Variants in PDZRN3 observed in about 807,000 individuals in gnomAD.
The protein encoded by PDZRN3 is E3 ubiquitin-protein ligase PDZRN3.
In PDZRN3, 38 loss-of-function variants were observed where a neutral mutation model predicts 85.7. That is an observed-to-expected ratio of 0.44 (90% CI 0.34 to 0.58). The LOEUF is 0.58. PDZRN3 is among the 20% of genes least tolerant of loss of function. The pLI is 0.01. For synonymous variants in PDZRN3, 759 were observed against 638.0 expected (o/e 1.19, Z -2.86); for missense variants, 1,629 against 1,506.4 (o/e 1.08, Z -1.35).
chr3:73,429,329 C>T (rs1402426074), intron 3 of PDZRN3, among the ~76,000 whole-genome samples: 2 of 152,318 alleles, frequency 1.3e-5, no homozygotes, highest in South Asian at 2.1e-4. Flanking sequence ...CTCCTACTTG[C>T]AGGAAAATTT....
chr3:73,568,854 C>A (rs977724501), intron 3 of PDZRN3, among the ~76,000 whole-genome samples: 2 of 152,228 alleles, frequency 1.3e-5, no homozygotes, highest in Non-Finnish European at 2.9e-5. Flanking sequence ...CAAGGCAACA[C>A]AGTGGCCCAG....
chr3:73,451,423 C>T (rs1305912896), intron 3 of PDZRN3, among the ~76,000 whole-genome samples: 2 of 152,132 alleles, frequency 1.3e-5, no homozygotes, highest in Non-Finnish European at 2.9e-5. Flanking sequence ...ATAACTCTGA[C>T]CTGCCAGACC....
chr3:73,384,750 GCTTCCT>G lies in PDZRN3; in HGVS notation c.1810_1815del (p.Arg604_Lys605del). Reference sequence around the variant, plus strand: ...CCCAAGGTGTCCTGGCTGCAGGTGAGCTTCCTCTGCCCCGCCAGCGGGTTGGAGGAT... The same window carrying G: ...CCCAAGGTGTCCTGGCTGCAGGTGAGCTGCCCCGCCAGCGGGTTGGAGGAT... On this transcript the variant is annotated inframe_deletion, in exon 10 of 10. Coordinates refer to ENST00000263666, the MANE Select transcript of PDZRN3 (RefSeq NM_015009.3). 3.1e-6 allele frequency: 5 copies of G among 1,613,916 alleles called. No individual in the cohort carries two copies. Among genetic ancestry groups the G allele is most frequent in the Non-Finnish European group, 4.2e-6 (5 of 1,180,030 alleles).
At chr3:73,397,129 G>A (rs941134152) in intron 5 of PDZRN3, among the ~76,000 whole-genome samples, 4 of 151,838 alleles carry the variant, frequency 2.6e-5, no homozygotes, top group African/African-American at 7.3e-5. Context: ...CGCCTCCTGG[G>A]TTTAAGCAAT....
At chr3:73,429,796 T>C (rs1017054403) in intron 3 of PDZRN3, among the ~76,000 whole-genome samples, 5 of 152,230 alleles carry the variant, frequency 3.3e-5, no homozygotes, top group Non-Finnish European at 5.9e-5. Flanking sequence ...TCTCAAATCA[T>C]TCATTCTTCA....
At chr3:73,574,619 C>T (rs1046952973) in intron 3 of PDZRN3, among the ~76,000 whole-genome samples, 23 of 152,156 alleles carry the variant, frequency 1.5e-4, no homozygotes, top group East Asian at 1.9e-4. Context: ...CCACCACGCC[C>T]GGCTAATTTT....
At chr3:73,452,971 T>C (rs1702897538) in intron 3 of PDZRN3, among the ~76,000 whole-genome samples, 1 of 151,944 alleles carries the variant, frequency 6.6e-6, no homozygotes, top group Admixed American at 6.6e-5. Flanking sequence ...CTGACATTTG[T>C]ACAGTGATAA....
intron 3 of PDZRN3, among the ~76,000 whole-genome samples, chr3:73,590,279 AAAAAAAAG>A (rs1228877717): frequency 2.5e-4 from 38 of 151,770 alleles, no homozygotes; most frequent in Non-Finnish European, 3.1e-4. Context: ...AAAAAAAAAA[AAAAAAAAG>A]AAAGAGAATG....
chr3:73,416,317 G>A (rs779449825), intron 3 of PDZRN3, among the ~76,000 whole-genome samples: 1 of 150,416 alleles, frequency 6.6e-6, no homozygotes, highest in Non-Finnish European at 1.5e-5. Context: ...TACTTGACGT[G>A]TGAGGTCTCA....
In PDZRN3 at chr3:73,500,821, T is replaced by C. The variant is rs76254931; in HGVS notation, c.919-96426A>G. Reference sequence around the variant, plus strand: ...CTCTTTTTCTCTCCAAAGCCTTCAATCTTAAGGCTTTCATTTCTTCACACA... The same window carrying C: ...CTCTTTTTCTCTCCAAAGCCTTCAACCTTAAGGCTTTCATTTCTTCACACA... On this transcript the variant is annotated intron_variant, in intron 3 of 9. Transcript: ENST00000263666. 2.4e-4 allele frequency among the ~76,000 whole-genome samples: 36 copies of C among 152,254 alleles called. No homozygotes were observed. In the East Asian group the frequency reaches 4.8e-3, roughly 20 times the overall value.
intron 3 of PDZRN3, among the ~76,000 whole-genome samples, chr3:73,490,770 C>G (rs1182033738): frequency 6.6e-6 from 1 of 152,190 alleles, no homozygotes; most frequent in East Asian, 1.9e-4. Context: ...AGACCCCATG[C>G]CTGCCTCCTG....
chr3:73,403,741 A>C (rs1701799159), intron 4 of PDZRN3, among the ~76,000 whole-genome samples: 1 of 152,186 alleles, frequency 6.6e-6, no homozygotes, highest in Admixed American at 6.5e-5. Flanking sequence ...ATGAGACCCA[A>C]GAAAGCAGAA....
chr3:73,391,723 G>T (rs1471716237), intron 5 of PDZRN3, among the ~76,000 whole-genome samples: 4 of 152,150 alleles, frequency 2.6e-5, no homozygotes, highest in Non-Finnish European at 5.9e-5. Context: ...TGGGATACAT[G>T]CTATTGTATT....
intron 3 of PDZRN3, among the ~76,000 whole-genome samples, chr3:73,551,463 G>A (rs773462122): frequency 2.0e-4 from 30 of 152,118 alleles, no homozygotes; most frequent in South Asian, 1.0e-3. Context: ...TGGGAGGATC[G>A]CTTGAGCCCA....
At chr3:73,435,913 A>C (rs923563587) in intron 3 of PDZRN3, among the ~76,000 whole-genome samples, 1 of 152,100 alleles carries the variant, frequency 6.6e-6, no homozygotes, top group Non-Finnish European at 1.5e-5. Context: ...TGCTCTGTAA[A>C]ATCTCACCTT....
intron 3 of PDZRN3, among the ~76,000 whole-genome samples, chr3:73,417,078 C>G (rs889451749): frequency 6.6e-6 from 1 of 151,798 alleles, no homozygotes; most frequent in African/African-American, 2.4e-5. Flanking sequence ...GACGGGGTTT[C>G]ACCATGTTGG....
intron 1 of PDZRN3, among the ~76,000 whole-genome samples, chr3:73,621,429 CAT>C (rs900976130): frequency 6.6e-6 from 1 of 152,180 alleles, no homozygotes; most frequent in East Asian, 1.9e-4. Context: ...AAATGTTGCA[CAT>C]GAGAGTTTCC....
intron 3 of PDZRN3, among the ~76,000 whole-genome samples, chr3:73,438,503 A>G (rs2106815919): frequency 6.6e-6 from 1 of 152,292 alleles, no homozygotes; most frequent in East Asian, 1.9e-4. Context: ...AGACTTCTGG[A>G]AGAGTCATGT....
intron 3 of PDZRN3, among the ~76,000 whole-genome samples, chr3:73,454,329 C>T (rs1317936123): frequency 3.3e-5 from 5 of 152,128 alleles, no homozygotes; most frequent in African/African-American, 1.2e-4. Flanking sequence ...GGGCCTAGCA[C>T]TTGGAGCCAC....
Sources: allele counts gnomAD v4.1 joint callset (sites outside exome capture counted in the v4.1 genomes callset), GRCh38; gene constraint gnomAD v4.1.1; transcripts MANE v1.5; gene names NCBI Gene and HGNC (gene_info 2026-07-23, HGNC 2026-07-21).